Variants in STXBP4 observed in about 807,000 individuals in gnomAD.
The protein encoded by STXBP4 is syntaxin binding protein 4.
STXBP4 carries 55 observed loss-of-function variants against 76.1 expected under a neutral mutation model. The observed-to-expected ratio is 0.72, with a 90% confidence interval of 0.58 to 0.91. The LOEUF is 0.91. STXBP4 is among the 40% of genes least tolerant of loss of function. The pLI, the probability that STXBP4 is intolerant of heterozygous loss-of-function variation, is 0.00. For synonymous variants in STXBP4, 201 were observed against 220.2 expected, an observed-to-expected ratio of 0.91 and a Z score of 0.77; for missense variants, 618 against 636.9, an observed-to-expected ratio of 0.97 and a Z score of 0.32.
At chr17:55,131,384 A>C (rs1348552787) in intron 16 of STXBP4, among the ~76,000 whole-genome samples, 1 of 152,232 alleles carries the variant, frequency 6.6e-6, no homozygotes, top group Non-Finnish European at 1.5e-5. Context: ...AGTGAATGAC[A>C]TCCCATAGGG....
intron 6 of STXBP4, 134 bp downstream of exon 6, chr17:54,999,976 T>C: frequency 1.2e-6 from 1 of 814,112 alleles, no homozygotes; most frequent in Non-Finnish European, 1.9e-6. Flanking sequence ...AAAGATTTTT[T>C]TCTATTTAAA....
chr17:54,993,977 C>T (rs2077759446), intron 4 of STXBP4, among the ~76,000 whole-genome samples: 1 of 152,078 alleles, frequency 6.6e-6, no homozygotes, highest in Admixed American at 6.5e-5. Flanking sequence ...AGTTTTCCTC[C>T]TGGAAAATAT....
intron 1 of STXBP4, among the ~76,000 whole-genome samples, chr17:54,980,644 T>G (rs545114839): frequency 6.6e-6 from 1 of 152,222 alleles, no homozygotes; most frequent in Non-Finnish European, 1.5e-5. Context: ...AGAAGTACTT[T>G]CCATTTTTCA....
intron 16 of STXBP4, among the ~76,000 whole-genome samples, chr17:55,095,032 AAGAC>A (rs2079467023): frequency 1.3e-5 from 2 of 152,238 alleles, no homozygotes; most frequent in Non-Finnish European, 2.9e-5. Flanking sequence ...CTAGACAAGC[AAGAC>A]TTAATTCTCA....
At chr17:55,061,935 TG>T (rs527410868) in intron 12 of STXBP4, among the ~76,000 whole-genome samples, 121 of 152,192 alleles carry the variant, frequency 8.0e-4, no homozygotes, top group Non-Finnish European at 1.3e-3. Context: ...ATGAAACTAC[TG>T]GGGGAGGTTG....
At chr17:55,078,920 A>C (rs1567751806) in intron 15 of STXBP4, among the ~76,000 whole-genome samples, 185 bp downstream of exon 15, 1 of 152,204 alleles carries the variant, frequency 6.6e-6, no homozygotes, top group Non-Finnish European at 1.5e-5. Flanking sequence ...TGTTAAAGAA[A>C]TTCCTGGAGG....
chr17:55,190,705 T>G, the STXBP4 span, among the ~76,000 whole-genome samples: 2 of 152,198 alleles, frequency 1.3e-5, no homozygotes, highest in Non-Finnish European at 2.9e-5. Context: ...CATTGTGGTT[T>G]GGGTGGCAAT....
At chr17:55,037,865 A>C (rs1020096097) in intron 10 of STXBP4, among the ~76,000 whole-genome samples, 1 of 152,200 alleles carries the variant, frequency 6.6e-6, no homozygotes, top group African/African-American at 2.4e-5. Flanking sequence ...AAACATTATA[A>C]AAATCACAAT....
chr17:55,210,419 A>T, the STXBP4 span, among the ~76,000 whole-genome samples: 1 of 152,276 alleles, frequency 6.6e-6, no homozygotes, highest in African/African-American at 2.4e-5. Flanking sequence ...ATTGGGCTTA[A>T]ATTAGGCCTC....
intron 1 of STXBP4, among the ~76,000 whole-genome samples, chr17:54,974,340 C>G (rs1032223758): frequency 1.1e-4 from 17 of 152,160 alleles, no homozygotes; most frequent in Non-Finnish European, 2.5e-4. Flanking sequence ...TCATTGTTTT[C>G]CAATTAGTGC....
chr17:55,023,122 G>T (rs17817448), intron 8 of STXBP4, among the ~76,000 whole-genome samples: 30,768 of 152,062 alleles, frequency 0.2, 3,340 homozygotes, highest in Middle Eastern at 0.34. Context: ...ATTAAAATTT[G>T]CATACATGGC....
chr17:55,118,181 A>G (rs900928159), intron 16 of STXBP4, among the ~76,000 whole-genome samples: 2 of 151,966 alleles, frequency 1.3e-5, no homozygotes, highest in Non-Finnish European at 2.9e-5. Context: ...AGGAAAATCA[A>G]TATATATATA....
intron 8 of STXBP4, among the ~76,000 whole-genome samples, chr17:55,016,567 T>C (rs1352910152): frequency 1.3e-5 from 2 of 152,206 alleles, no homozygotes; most frequent in Non-Finnish European, 1.5e-5. Flanking sequence ...GACCAATTAT[T>C]AGGCAATTTT....
intron 3 of STXBP4, among the ~76,000 whole-genome samples, chr17:54,990,122 G>C (rs1289303345): frequency 6.6e-6 from 1 of 152,028 alleles, no homozygotes; most frequent in Non-Finnish European, 1.5e-5. Flanking sequence ...TGTTTTGTAG[G>C]GAAAATTAAA....
At chr17:55,105,768 G>A (rs893995548) in intron 16 of STXBP4, among the ~76,000 whole-genome samples, 4 of 151,804 alleles carry the variant, frequency 2.6e-5, no homozygotes, top group Non-Finnish European at 5.9e-5. Flanking sequence ...ATGAGCCACC[G>A]CACCTGGCCT....
chr17:55,147,388 C>T (rs1453353237), intron 17 of STXBP4, among the ~76,000 whole-genome samples: 1 of 152,220 alleles, frequency 6.6e-6, no homozygotes, highest in Non-Finnish European at 1.5e-5. Context: ...AGAGCTCAGG[C>T]AGTAGTACTC....
chr17:55,043,615 C>T, intron 11 of STXBP4: 1 of 1,549,470 alleles, frequency 6.5e-7, no homozygotes, highest in Non-Finnish European at 8.7e-7. Flanking sequence ...TCATTAGTGG[C>T]CAGGGCAGAA....
chr17:55,188,393 A>G, the STXBP4 span, among the ~76,000 whole-genome samples: 1 of 152,194 alleles, frequency 6.6e-6, no homozygotes, highest in Non-Finnish European at 1.5e-5. Context: ...ATTTAAAAGA[A>G]CCCATGCATC....
chr17:55,116,848 CA>C (rs1248424731), intron 16 of STXBP4, among the ~76,000 whole-genome samples: 1 of 151,684 alleles, frequency 6.6e-6, no homozygotes, highest in Non-Finnish European at 1.5e-5. Flanking sequence ...TGTAGAAAAA[CA>C]ATGTATTCCT....
Sources: allele counts gnomAD v4.1 joint callset (sites outside exome capture counted in the v4.1 genomes callset), GRCh38; gene constraint gnomAD v4.1.1; transcripts MANE v1.5; gene names NCBI Gene and HGNC (gene_info 2026-07-23, HGNC 2026-07-21).